Variants in LRCH2 observed in about 807,000 individuals in gnomAD.
LRCH2 encodes leucine-rich repeat and calponin homology domain-containing protein 2.
A neutral mutation model predicts 68.9 loss-of-function variants in LRCH2; 38 were observed. That is an observed-to-expected ratio of 0.55 (90% CI 0.43 to 0.72). The LOEUF (loss-of-function observed/expected upper bound fraction) is 0.72. Among genes scored for constraint, LRCH2 ranks in the 30% least tolerant of loss-of-function variants. The pLI, the probability that LRCH2 is intolerant of heterozygous loss-of-function variation, is 0.00. For missense variants in LRCH2, 528 were observed against 572.9 expected (o/e 0.92, Z 0.80); for synonymous variants, 191 against 208.1 (o/e 0.92, Z 0.71).
intron 16 of LRCH2, among the ~76,000 whole-genome samples, chrX:115,125,572 T>C (rs782632796): frequency 0.11 from 2,043 of 18,121 alleles, 412 homozygotes; most frequent in Middle Eastern, 0.23. Context: ...TATATATATA[T>C]ACACACACAC....
chrX:115,220,937 C>T (rs1044715330), intron 1 of LRCH2, among the ~76,000 whole-genome samples: 5 of 108,744 alleles, frequency 4.6e-5, no homozygotes, highest in Non-Finnish European at 9.5e-5. Context: ...CCTGTAATCC[C>T]AGCACTTTGG....
chrX:115,190,449 G>T (rs781893308), intron 1 of LRCH2: 1 of 1,167,053 alleles, frequency 8.6e-7, no homozygotes, highest in Admixed American at 2.6e-5. Context: ...AGGGCAACTC[G>T]CCCGATGCCT....
intron 7 of LRCH2, 47 bp from the exon 8 acceptor site, chrX:115,165,999 G>T: frequency 1.1e-6 from 1 of 899,953 alleles, no homozygotes; most frequent in Non-Finnish European, 1.6e-6. Flanking sequence ...TTAAACTTAC[G>T]ATATGGATTA....
At chrX:115,230,807 T>C (rs1362021294) in intron 1 of LRCH2, among the ~76,000 whole-genome samples, 1 of 111,493 alleles carries the variant, frequency 9.0e-6, no homozygotes, top group Non-Finnish European at 1.9e-5. Flanking sequence ...GAACAAATAT[T>C]TCTTGAGTGC....
intron 5 of LRCH2, among the ~76,000 whole-genome samples, chrX:115,174,341 G>A (rs2072628476): frequency 9.1e-6 from 1 of 109,972 alleles, no homozygotes; most frequent in Non-Finnish European, 1.9e-5. Context: ...CTGAAGGATG[G>A]TACCGTTTAA....
chrX:115,153,189 A>T (rs904495320), intron 12 of LRCH2, among the ~76,000 whole-genome samples: 1 of 107,281 alleles, frequency 9.3e-6, no homozygotes, highest in African/African-American at 3.4e-5. Context: ...GGGTGGGATG[A>T]CACATGCCTG....
intron 11 of LRCH2, among the ~76,000 whole-genome samples, chrX:115,159,786 C>A (rs1189638266): frequency 2.8e-5 from 3 of 107,369 alleles, no homozygotes; most frequent in Non-Finnish European, 3.9e-5. Flanking sequence ...AAACTGTAAA[C>A]ATAAAGTAGC....
At chrX:115,123,330 A>G in intron 17 of LRCH2, 138 bp from the exon 18 acceptor site, 2 of 455,437 alleles carry the variant, frequency 4.4e-6, no homozygotes, top group Admixed American at 8.2e-5. Flanking sequence ...ATATTTTTAG[A>G]GAATATATTT....
At chrX:115,130,453 A>G (rs1240561006) in intron 14 of LRCH2, among the ~76,000 whole-genome samples, 3 of 111,657 alleles carry the variant, frequency 2.7e-5, no homozygotes, top group African/African-American at 6.5e-5. Flanking sequence ...GCTATTTCCC[A>G]TTCATTCAGG....
chrX:115,166,656 T>C (rs981537613), intron 6 of LRCH2, among the ~76,000 whole-genome samples: 1 of 111,006 alleles, frequency 9.0e-6, no homozygotes, highest in Admixed American at 9.6e-5. Flanking sequence ...GTTTTTCCCA[T>C]TGGTTTGTCA....
chrX:115,219,071 T>C (rs2073061429), intron 1 of LRCH2, among the ~76,000 whole-genome samples: 1 of 111,585 alleles, frequency 9.0e-6, no homozygotes, highest in Admixed American at 9.5e-5. Flanking sequence ...GAAAGGAAAG[T>C]CTAATATAAT....
intron 16 of LRCH2, among the ~76,000 whole-genome samples, chrX:115,125,389 AGAGT>A (rs781878341): frequency 7.9e-5 from 7 of 89,155 alleles, no homozygotes; most frequent in African/African-American, 2.9e-4. Context: ...CCTAGGCAAC[AGAGT>A]GAGATCATGT....
intron 1 of LRCH2, among the ~76,000 whole-genome samples, chrX:115,202,743 G>A (rs193072062): frequency 8.9e-6 from 1 of 111,853 alleles, no homozygotes; most frequent in African/African-American, 3.2e-5. Flanking sequence ...TAGGTTAATG[G>A]ATAAACTGTG....
chrX:115,214,073 C>T (rs1556570744), intron 1 of LRCH2, among the ~76,000 whole-genome samples: 1 of 111,858 alleles, frequency 8.9e-6, no homozygotes, highest in Non-Finnish European at 1.9e-5. Context: ...AATCAGCCAA[C>T]TCAGATACTT....
chrX:115,169,023 C>A (rs1415962754), intron 6 of LRCH2, among the ~76,000 whole-genome samples: 3 of 112,024 alleles, frequency 2.7e-5, no homozygotes, highest in African/African-American at 9.7e-5. Context: ...ACACAAAGTT[C>A]CTTCCTAACT....
intron 14 of LRCH2, among the ~76,000 whole-genome samples, chrX:115,143,226 T>C: frequency 9.0e-6 from 1 of 111,497 alleles, no homozygotes; most frequent in East Asian, 2.8e-4. Context: ...ATAAACAAAA[T>C]TGACAAACCT....
intron 1 of LRCH2, chrX:115,191,164 G>A (rs1333612027): frequency 4.4e-5 from 51 of 1,164,735 alleles, no homozygotes; most frequent in Non-Finnish European, 5.6e-5. Context: ...CTACAGTGGG[G>A]GCCACGACAG....
At chrX:115,117,904 CTTTA>C (rs1556524586) in intron 20 of LRCH2, among the ~76,000 whole-genome samples, 3 of 110,414 alleles carry the variant, frequency 2.7e-5, no homozygotes, top group African/African-American at 9.9e-5. Flanking sequence ...AAATTGTACA[CTTTA>C]TTTATATGCC....
intron 5 of LRCH2, among the ~76,000 whole-genome samples, chrX:115,177,092 T>A (rs2072656205): frequency 1.1e-5 from 1 of 93,391 alleles, no homozygotes; most frequent in Admixed American, 1.2e-4. Context: ...AGTCTCACTC[T>A]GCTGTCTAGG....
Sources: gnomAD v4.1 joint callset for allele counts (sites outside exome capture counted in the v4.1 genomes callset) on GRCh38, gnomAD v4.1.1 for gene constraint, MANE v1.5 for transcripts, NCBI Gene and HGNC (gene_info 2026-07-23, HGNC 2026-07-21) for gene names.